Variants in DENND4C observed in about 807,000 individuals in gnomAD.
DENND4C encodes the protein DENN domain-containing protein 4C.
In DENND4C, 108 loss-of-function variants were observed where a neutral mutation model predicts 203.0. The ratio of observed to expected loss-of-function variants is 0.53; its 90% CI spans 0.46 to 0.62. DENND4C has a LOEUF of 0.62. DENND4C is among the 20% of genes least tolerant of loss of function. The pLI is 0.00. For missense variants in DENND4C, 2,481 were observed against 2,301.2 expected (o/e 1.08, Z -1.60); for synonymous variants, 871 against 792.4 (o/e 1.10, Z -1.67).
At chr9:19,290,511 G>T (rs1836072227) in intron 4 of DENND4C, among the ~76,000 whole-genome samples, 193 bp from the exon 5 acceptor site, 1 of 152,170 alleles carries the variant, frequency 6.6e-6, no homozygotes, top group African/African-American at 2.4e-5. Flanking sequence ...ACAATGAACT[G>T]TAAATTCATG....
intron 2 of DENND4C, among the ~76,000 whole-genome samples, chr9:19,279,481 C>T (rs1833594101): frequency 6.6e-6 from 1 of 152,058 alleles, no homozygotes; most frequent in Non-Finnish European, 1.5e-5. Context: ...TCAAGACCAG[C>T]CTGTCCAACA....
Position 19,256,641 on chromosome 9 carries a change from T to C in DENND4C, c.-17-19517T>C, listed in dbSNP as rs1243990658. ...TTGCTTTTCTTTAAATTTTATTTTT[T>C]TACTCTTTAAAATTAAATCTGTGTC... is the stretch of plus-strand genomic sequence containing the variant. On this transcript the variant is annotated intron_variant, in intron 1 of 32. Coordinates refer to ENST00000434457, the MANE Select transcript of DENND4C (RefSeq NM_001330640.2). 3.9e-5 allele frequency among the ~76,000 whole-genome samples: 6 copies of C among 152,244 alleles called. No individual in the cohort carries two copies. The East Asian group carries it at 1.2e-3, about 29-fold the overall frequency.
At chr9:19,292,139 C>G (rs1055982778) in intron 5 of DENND4C, 1 of 152,124 alleles carries the variant, frequency 6.6e-6, no homozygotes, top group Non-Finnish European at 1.5e-5. Flanking sequence ...ATTCTCCTGC[C>G]TCAGCCTCTT....
Position 19,300,267 on chromosome 9 carries a change from G to A in DENND4C, c.1247G>A (p.Ser416Asn), listed in dbSNP as rs1404883945. 5 of 1,612,398 alleles carry A rather than the reference G, an allele frequency of 3.1e-6. No homozygotes were observed. The highest frequency in any genetic ancestry group is 1.7e-5 in the Admixed American group (1 of 60,000). ...ATLLLFVLLE[S>N]KILLHSLRPA... ...CTGCTGCTCTTTGTTTTACTTGAGA[G>A]TAAAATTCTGCTGCATTCTCTTAGG... The change falls in exon 9 of 33, where the codon AGT (serine) becomes AAT (asparagine). Residue 416 changes from serine to asparagine, a missense_variant. By Grantham distance (46) the Ser-to-Asn change is conservative. Transcript: ENST00000434457.
chr9:19,352,625 C>T lies in DENND4C; in HGVS notation c.4741C>T (p.Leu1581Phe). 1 of 1,612,718 alleles carries T rather than the reference C, an allele frequency of 6.2e-7. No individual in the cohort carries two copies. The highest frequency in any genetic ancestry group is 1.3e-5 in the African/African-American group (1 of 75,000). ...CPFCKSNFLP[L>F]LNIEFKDLRG... ...ATTCTGTAAAAGCAACTTCTTGCCT[C>T]TTCTCAATATAGAATTCAAAGATTT... is the stretch of plus-strand genomic sequence containing the variant. The change falls in exon 26 of 33, where the codon CTT becomes TTT. Residue 1581 changes from leucine (L) to phenylalanine (F), a missense_variant. Coordinates refer to ENST00000434457, the MANE Select transcript of DENND4C (RefSeq NM_001330640.2).
intron 2 of DENND4C, among the ~76,000 whole-genome samples, chr9:19,279,546 G>A (rs560503873): frequency 1.3e-5 from 2 of 151,784 alleles, no homozygotes; most frequent in East Asian, 1.9e-4. Context: ...GCATGGTGGC[G>A]AGCACCTGTA....
chr9:19,325,866 G>A, intron 13 of DENND4C, 73 bp from the exon 14 acceptor site: 2 of 1,447,306 alleles, frequency 1.4e-6, no homozygotes, highest in South Asian at 2.5e-5. Flanking sequence ...TTCTAAATCA[G>A]AATGTAAGAT....
At chr9:19,280,664 G>A (rs757404593) in intron 2 of DENND4C, among the ~76,000 whole-genome samples, 1 of 151,224 alleles carries the variant, frequency 6.6e-6, no homozygotes, top group African/African-American at 2.4e-5. Flanking sequence ...CTTATTTTGT[G>A]TTCCAGCATT....
intron 1 of DENND4C, among the ~76,000 whole-genome samples, chr9:19,237,615 C>T (rs1372784696): frequency 6.6e-6 from 1 of 152,142 alleles, no homozygotes; most frequent in Non-Finnish European, 1.5e-5. Context: ...CCTCGACCTC[C>T]CAAAGTGCTG....
chr9:19,280,949 C>T (rs564900608), intron 2 of DENND4C, among the ~76,000 whole-genome samples: 1 of 152,166 alleles, frequency 6.6e-6, no homozygotes, highest in South Asian at 2.1e-4. Flanking sequence ...TCATGTTGCC[C>T]AGGCTAGTCT....
intron 3 of DENND4C, 59 bp downstream of exon 3, chr9:19,287,080 G>A (rs982677065): frequency 1.6e-6 from 2 of 1,224,332 alleles, no homozygotes; most frequent in Non-Finnish European, 1.0e-6. Context: ...GATACGTTTT[G>A]GATTCCTGTT....
intron 20 of DENND4C, among the ~76,000 whole-genome samples, chr9:19,339,268 C>A (rs1821107518): frequency 6.6e-6 from 1 of 152,166 alleles, no homozygotes; most frequent in African/African-American, 2.4e-5. Context: ...CATTGATATA[C>A]CACTTTATAA....
chr9:19,299,721 T>C lies in DENND4C; in HGVS notation c.1166+434T>C, dbSNP rs76453014. ...TACCTTTTTACTTATCTTCCTTTAG[T>C]TCTTTATCCACCCTGTAGCCAGTGT... On this transcript the variant is annotated intron_variant, in intron 8 of 32. Transcript: ENST00000434457. 6.4e-3 allele frequency among the ~76,000 whole-genome samples: 977 copies of C among 152,350 alleles called. 10 individuals are homozygous for C. The highest frequency in any genetic ancestry group is 0.021 in the African/African-American group (888 of 41,578).
intron 9 of DENND4C, among the ~76,000 whole-genome samples, chr9:19,304,367 A>G (rs1839221760): frequency 1.3e-5 from 2 of 150,750 alleles, no homozygotes; most frequent in South Asian, 4.2e-4. Context: ...GTGTTTCAGT[A>G]GAAACATGGT....
chr9:19,300,142 G>A (rs1347591588), intron 8 of DENND4C, 45 bp from the exon 9 acceptor site: 8 of 1,520,852 alleles, frequency 5.3e-6, no homozygotes, highest in Admixed American at 3.6e-5. Flanking sequence ...ACATATTTCA[G>A]CAAAATAGTT....
intron 1 of DENND4C, among the ~76,000 whole-genome samples, chr9:19,232,554 A>G (rs561598250): frequency 6.6e-6 from 1 of 152,322 alleles, no homozygotes; most frequent in Admixed American, 6.5e-5. Flanking sequence ...ATATTGGAGT[A>G]ATTTAGTCCT....
At chr9:19,367,955 G>A (rs911504758) in intron 30 of DENND4C, among the ~76,000 whole-genome samples, 1 of 152,188 alleles carries the variant, frequency 6.6e-6, no homozygotes, top group African/African-American at 2.4e-5. Flanking sequence ...TATAGAGACA[G>A]AAAGTAGATT....
intron 16 of DENND4C, among the ~76,000 whole-genome samples, chr9:19,331,655 A>G (rs1182884346): frequency 2.6e-5 from 4 of 152,208 alleles, no homozygotes; most frequent in Non-Finnish European, 5.9e-5. Context: ...TTCACCCATC[A>G]AAAATGAGTT....
chr9:19,262,634 A>T (rs896571886), intron 1 of DENND4C, among the ~76,000 whole-genome samples: 1 of 151,362 alleles, frequency 6.6e-6, no homozygotes, highest in African/African-American at 2.4e-5. Context: ...GTTTTGCCAT[A>T]TCGGCCAGAC....
Sources: gnomAD v4.1 joint callset for allele counts (sites outside exome capture counted in the v4.1 genomes callset) on GRCh38, gnomAD v4.1.1 for gene constraint, MANE v1.5 for transcripts, NCBI Gene and HGNC (gene_info 2026-07-23, HGNC 2026-07-21) for gene names.